Variants in NDRG3 observed in about 807,000 individuals in gnomAD.
NDRG3 encodes the protein protein NDRG3.
In NDRG3, 23 loss-of-function variants were observed where a neutral mutation model predicts 57.2. The observed-to-expected ratio is 0.40, with a 90% CI of 0.29 to 0.57. NDRG3 has a LOEUF of 0.57. Among genes scored for constraint, NDRG3 ranks in the 20% least tolerant of loss-of-function variants. The pLI is 0.42. For missense variants in NDRG3, 384 were observed against 457.3 expected (o/e 0.84, Z 1.46); for synonymous variants, 132 against 162.6 (o/e 0.81, Z 1.43).
intron 3 of NDRG3, among the ~76,000 whole-genome samples, chr20:36,702,436 C>T (rs1380429608): frequency 6.6e-6 from 1 of 151,994 alleles, no homozygotes; most frequent in East Asian, 1.9e-4. Flanking sequence ...GCGCCCGGCC[C>T]CAATATTTTT....
chr20:36,673,053 G>A (rs1049478433), intron 8 of NDRG3, among the ~76,000 whole-genome samples: 4 of 151,858 alleles, frequency 2.6e-5, no homozygotes, highest in African/African-American at 7.3e-5. Flanking sequence ...TTGTAGAGAC[G>A]AGGTCTCACT....
At chr20:36,732,140 T>C (rs1431489199) in intron 1 of NDRG3, among the ~76,000 whole-genome samples, 4 of 151,994 alleles carry the variant, frequency 2.6e-5, no homozygotes, top group Admixed American at 1.3e-4. Flanking sequence ...AAATAAATAA[T>C]AGAAATATAG....
rs1986180545 is a variant in NDRG3 at position 36,746,073 on chromosome 20, A to AGCAGCAGCGGCG, written c.-89_-78dup. On this transcript the variant is annotated 5_prime_UTR_variant, in exon 1 of 16. Coordinates refer to ENST00000349004, the MANE Select transcript of NDRG3 (RefSeq NM_032013.4). ...AGGCGCGGGCACCCGCCGTCAGTGC[A>AGCAGCAGCGGCG]GCAGCAGCGGCGGCGGCGGCGGCGG... The AGCAGCAGCGGCG allele has an allele frequency of 6.6e-6, 2 of 304,500 alleles. No individual in the cohort carries two copies. The highest frequency in any genetic ancestry group is 1.1e-5 in the Non-Finnish European group (2 of 178,722). The allele number at this position is 304,500 out of a possible 1,614,324, so 18.9% of individuals were successfully genotyped here.
intron 8 of NDRG3, among the ~76,000 whole-genome samples, chr20:36,676,414 G>C (rs1980710957): frequency 6.6e-6 from 1 of 152,096 alleles, no homozygotes; most frequent in Non-Finnish European, 1.5e-5. Context: ...TCAAGAAAAT[G>C]GTTCAAAACT....
At chr20:36,721,264 C>T (rs1055110875) in intron 2 of NDRG3, among the ~76,000 whole-genome samples, 3 of 151,896 alleles carry the variant, frequency 2.0e-5, no homozygotes, top group African/African-American at 4.8e-5. Context: ...GGCACAGTGG[C>T]TCACACCTGT....
At chr20:36,663,233 G>C in intron 12 of NDRG3, among the ~76,000 whole-genome samples, 1 of 152,140 alleles carries the variant, frequency 6.6e-6, no homozygotes, top group East Asian at 1.9e-4. Context: ...CAACAGACAC[G>C]TAGTGTTTTA....
intron 12 of NDRG3, among the ~76,000 whole-genome samples, chr20:36,664,703 T>C (rs1979469217): frequency 6.6e-6 from 1 of 152,176 alleles, no homozygotes; most frequent in Non-Finnish European, 1.5e-5. Flanking sequence ...ACATACTTTT[T>C]TTTTGAGGCA....
Position 36,687,615 on chromosome 20 carries a change from A to G in NDRG3, c.200-3T>C, listed in dbSNP as rs369493779. 4.6e-5 allele frequency: 74 copies of G among 1,612,494 alleles called. No homozygotes were observed. The highest frequency in any genetic ancestry group is 3.9e-4 in the African/African-American group (29 of 74,842). Reference sequence around the variant, plus strand: ...GAATGCATTGAAACAGGATTTATCTATAAGAATAAAAATACCCATAAGTCA... The same window carrying G: ...GAATGCATTGAAACAGGATTTATCTGTAAGAATAAAAATACCCATAAGTCA... On this transcript the variant is annotated splice_polypyrimidine_tract_variant and splice_region_variant and intron_variant, in intron 4 of 15. Transcript: ENST00000349004.
chr20:36,702,495 C>T (rs908453181), intron 3 of NDRG3, among the ~76,000 whole-genome samples: 1 of 151,860 alleles, frequency 6.6e-6, no homozygotes, highest in African/African-American at 2.4e-5. Context: ...CTGTATGAGG[C>T]CTGGGTATAG....
In NDRG3 at chr20:36,652,534, C is replaced by T. The variant is rs1978323166; in HGVS notation, c.*986G>A. The T allele has an allele frequency of 6.6e-6, 1 of 152,072 alleles. No homozygotes were observed. The highest frequency in any genetic ancestry group is 6.6e-5 in the Admixed American group (1 of 15,252). The allele number at this position is 152,072 out of a possible 1,614,324, so 9.4% of individuals were successfully genotyped here. A position where few individuals can be genotyped will look rare whatever the true frequency, so the allele number is the denominator to read the frequency against. ...CTGTGTTAATGGCTGTTCCTCTCCC[C>T]CCACCCATTTCTCCCCCATCTACAT... On this transcript the variant is annotated 3_prime_UTR_variant, in exon 16 of 16. Coordinates refer to ENST00000349004, the MANE Select transcript of NDRG3 (RefSeq NM_032013.4).
At chr20:36,717,321 G>A (rs1004256409) in intron 2 of NDRG3, among the ~76,000 whole-genome samples, 15 of 152,148 alleles carry the variant, frequency 9.9e-5, no homozygotes, top group East Asian at 3.8e-4. Flanking sequence ...CAAATTTCAC[G>A]GTAAAAGGTT....
In NDRG3 at chr20:36,719,019, G is replaced by A. The variant is rs547367521; in HGVS notation, c.57+2660C>T. On this transcript the variant is annotated intron_variant, in intron 2 of 15. Transcript: ENST00000349004. ...ATTTTATTTCCTTCCTCCTCTCCTA[G>A]GCACAACATTTTTGGCACAGCCCTT... 1.1e-4 allele frequency among the ~76,000 whole-genome samples: 17 copies of A among 152,036 alleles called. No homozygotes were observed. In the East Asian group the frequency reaches 3.1e-3, roughly 28 times the overall value.
At chr20:36,701,453 G>A (rs1414179708) in intron 3 of NDRG3, among the ~76,000 whole-genome samples, 1 of 152,008 alleles carries the variant, frequency 6.6e-6, no homozygotes, top group Non-Finnish European at 1.5e-5. Context: ...GCTGAAGCGG[G>A]AAGATTGCTT....
At chr20:36,705,007 A>G (rs1983459392) in intron 3 of NDRG3, among the ~76,000 whole-genome samples, 1 of 152,154 alleles carries the variant, frequency 6.6e-6, no homozygotes, top group Non-Finnish European at 1.5e-5. Context: ...TAATTTCCTG[A>G]CTATAAAACA....
intron 1 of NDRG3, among the ~76,000 whole-genome samples, chr20:36,736,834 C>G (rs1284985634): frequency 5.3e-5 from 8 of 152,156 alleles, no homozygotes; most frequent in Non-Finnish European, 1.5e-5. Flanking sequence ...TGCTATCCCC[C>G]CTATCTCCAT....
intron 1 of NDRG3, among the ~76,000 whole-genome samples, chr20:36,730,282 G>T (rs1985200255): frequency 1.3e-5 from 2 of 151,364 alleles, no homozygotes; most frequent in Admixed American, 6.6e-5. Context: ...TGGAGACAGG[G>T]TCTTGCTTTG....
intron 1 of NDRG3, among the ~76,000 whole-genome samples, chr20:36,732,993 A>G (rs909931546): frequency 6.6e-6 from 1 of 151,124 alleles, no homozygotes; most frequent in African/African-American, 2.4e-5. Flanking sequence ...TAAAAAATAC[A>G]AAAATTAGCC....
intron 3 of NDRG3, among the ~76,000 whole-genome samples, chr20:36,704,398 A>G (rs575280381): frequency 6.6e-6 from 1 of 152,134 alleles, no homozygotes; most frequent in South Asian, 2.1e-4. Flanking sequence ...CTTACTTCGG[A>G]GGAGGTGCTG....
At chr20:36,692,756 G>A (rs1568646638) in intron 3 of NDRG3, among the ~76,000 whole-genome samples, 1 of 151,790 alleles carries the variant, frequency 6.6e-6, no homozygotes, top group Non-Finnish European at 1.5e-5. Context: ...TATATTGGGT[G>A]GGTTTGCACC....
Sources: gnomAD v4.1 joint callset for allele counts (sites outside exome capture counted in the v4.1 genomes callset) on GRCh38, gnomAD v4.1.1 for gene constraint, MANE v1.5 for transcripts, NCBI Gene and HGNC (gene_info 2026-07-23, HGNC 2026-07-21) for gene names.